RNF114: variants seen among roughly 807,000 people sequenced by gnomAD.
The protein encoded by RNF114 is ring finger protein 114, also known as E3 ubiquitin-protein ligase RNF114.
Under a neutral mutation model 28.4 loss-of-function variants are expected in RNF114, and 6 were observed. That is an observed-to-expected ratio of 0.21 (90% CI 0.12 to 0.42). The LOEUF (loss-of-function observed/expected upper bound fraction) is 0.42, where lower values mean the gene tolerates loss of function less well. RNF114 is among the 10% of genes least tolerant of loss of function. RNF114 has a pLI of 1.00. For synonymous variants in RNF114, 115 were observed against 116.7 expected (o/e 0.99, Z 0.09); for missense variants, 249 against 311.7 (o/e 0.80, Z 1.51).
chr20:49,947,231 C>G (rs1233116416), intron 4 of RNF114, among the ~76,000 whole-genome samples: 4 of 13,388 alleles, frequency 3.0e-4, no homozygotes, highest in South Asian at 2.9e-3. Flanking sequence ...CCCCCCCCCC[C>G]CCCCCAAAAA....
In RNF114 at chr20:49,946,121, T is replaced by C. The variant is rs762602365; in HGVS notation, c.399-15T>C. ...CACAGAAAAGTTTTCTTTTTTCCTG[T>C]GTTTCACCTTCCAGGAATGTTCCAA... On this transcript the variant is annotated splice_polypyrimidine_tract_variant and intron_variant, in intron 3 of 5. Coordinates refer to ENST00000244061, the MANE Select transcript of RNF114 (RefSeq NM_018683.4). 1 of 1,486,736 alleles carries C rather than the reference T, an allele frequency of 6.7e-7. No homozygotes were observed. Among genetic ancestry groups the C allele is most frequent in the South Asian group, 1.2e-5 (1 of 83,158 alleles). The allele number at this position is 1,486,736 out of a possible 1,614,324, so 92.1% of individuals were successfully genotyped here. A position where few individuals can be genotyped will look rare whatever the true frequency, so the allele number is the denominator to read the frequency against.
chr20:49,947,472 AGGGC>A (rs1423053603), intron 4 of RNF114, among the ~76,000 whole-genome samples: 3 of 152,072 alleles, frequency 2.0e-5, no homozygotes, highest in Non-Finnish European at 4.4e-5. Flanking sequence ...TGAGAGTACT[AGGGC>A]AGCTATCAAT....
intron 3 of RNF114, among the ~76,000 whole-genome samples, chr20:49,945,929 G>C (rs1214884681): frequency 3.9e-5 from 6 of 152,200 alleles, no homozygotes; most frequent in African/African-American, 1.4e-4. Flanking sequence ...GCCTCCCAAA[G>C]TGCTGCGATT....
rs1456829057 is a variant in RNF114, at chr20:49,939,458, C to A, written c.141-2103C>A. ...ATTATATATCTTTAGTTCTTTCTGGCAGATTTGGTTATACTGTCTTAATCT... is the reference window on the plus strand; with the variant it reads ...ATTATATATCTTTAGTTCTTTCTGGAAGATTTGGTTATACTGTCTTAATCT... On this transcript the variant is annotated intron_variant, in intron 1 of 5. Coordinates refer to ENST00000244061, the MANE Select transcript of RNF114 (RefSeq NM_018683.4). Among the ~76,000 whole-genome samples the A allele has an allele frequency of 2.1e-5, 3 of 144,286 alleles. No homozygotes were observed. In the Admixed American group the frequency reaches 2.2e-4, roughly 11 times the overall value. The allele number at this position is 144,286 out of a possible 152,430, so 94.7% of individuals were successfully genotyped here. A position where few individuals can be genotyped will look rare whatever the true frequency, so the allele number is the denominator to read the frequency against.
At chr20:49,945,297 T>G in intron 2 of RNF114, 85 bp from the exon 3 acceptor site, 4 of 775,472 alleles carry the variant, frequency 5.2e-6, no homozygotes, top group South Asian at 3.2e-5. Flanking sequence ...GTAGGTCTAG[T>G]TTTCTTTGTG....
At chr20:49,951,670 G>A (rs1197479387) in intron 5 of RNF114, among the ~76,000 whole-genome samples, 1 of 152,214 alleles carries the variant, frequency 6.6e-6, no homozygotes, top group Non-Finnish European at 1.5e-5. Context: ...ACGAGGTCAA[G>A]AGATTGAGAC....
At chr20:49,944,855 T>C (rs2090323150) in intron 2 of RNF114, 1 of 150,008 alleles carries the variant, frequency 6.7e-6, no homozygotes, top group Admixed American at 6.7e-5. Flanking sequence ...CACTTCAGTC[T>C]GGGCGACAGA....
chr20:49,937,166 T>C (rs6125825), intron 1 of RNF114, among the ~76,000 whole-genome samples: 64,056 of 152,032 alleles, frequency 0.42, 15,581 homozygotes, highest in East Asian at 0.79. Context: ...GACCTGAATA[T>C]TGTGAATAGA....
chr20:49,952,070 C>G lies in RNF114; in HGVS notation c.622-6C>G. ...GCTGAGGCTGCATGTCTCTTTTTGC[C>G]CTTAGGATTATGATGTTGATGAAGA... On this transcript the variant is annotated splice_region_variant and splice_polypyrimidine_tract_variant and intron_variant, in intron 5 of 5. Transcript: ENST00000244061. 1 of 1,611,900 alleles carries G rather than the reference C, an allele frequency of 6.2e-7. No homozygotes were observed. Among genetic ancestry groups the G allele is most frequent in the Non-Finnish European group, 8.5e-7 (1 of 1,178,312 alleles).
intron 1 of RNF114, among the ~76,000 whole-genome samples, chr20:49,937,219 TC>T (rs1215601534): frequency 2.6e-5 from 4 of 152,220 alleles, no homozygotes; most frequent in African/African-American, 9.6e-5. Context: ...AAATGTCCAG[TC>T]CAGGTCCTGG....
At chr20:49,949,841 C>T (rs1302173094) in intron 5 of RNF114, among the ~76,000 whole-genome samples, 2 of 152,102 alleles carry the variant, frequency 1.3e-5, no homozygotes, top group Admixed American at 6.5e-5. Flanking sequence ...GACAGGCTTT[C>T]ACTATGTTGG....
chr20:49,936,818 C>T (rs1457929583), intron 1 of RNF114, among the ~76,000 whole-genome samples: 1 of 151,946 alleles, frequency 6.6e-6, no homozygotes, highest in African/African-American at 2.4e-5. Context: ...GGCGGCCTGT[C>T]AGTCTCCTTC....
In RNF114 at chr20:49,936,410, A is replaced by G. The variant is rs1282295695; in HGVS notation, c.-3A>G. ...CCGTTGCGCGGCGCAGAGCGGCAGC[A>G]AGATGGCGGCGCAACAGCGGGACTG... On this transcript the variant is annotated 5_prime_UTR_variant, in exon 1 of 6. Coordinates refer to ENST00000244061, the MANE Select transcript of RNF114 (RefSeq NM_018683.4). 1.3e-6 allele frequency: 2 copies of G among 1,504,640 alleles called. No individual in the cohort carries two copies. The highest frequency in any genetic ancestry group is 4.5e-5 in the Admixed American group (2 of 44,278). The allele number at this position is 1,504,640 out of a possible 1,614,324, so 93.2% of individuals were successfully genotyped here.
intron 5 of RNF114, among the ~76,000 whole-genome samples, chr20:49,951,162 T>A (rs1434072654): frequency 6.6e-6 from 1 of 152,118 alleles, no homozygotes; most frequent in Non-Finnish European, 1.5e-5. Context: ...TGGCTGAATT[T>A]CAGTATCTAA....
Position 49,953,668 on chromosome 20 carries a change from C to T in RNF114, c.*1527C>T, listed in dbSNP as rs2090365205. 3 of 152,098 alleles carry T rather than the reference C, an allele frequency of 2.0e-5. No individual in the cohort carries two copies. Among genetic ancestry groups the T allele is most frequent in the African/African-American group, 7.2e-5 (3 of 41,414 alleles). The allele number at this position is 152,098 out of a possible 1,614,324, so 9.4% of individuals were successfully genotyped here. A position where few individuals can be genotyped will look rare whatever the true frequency, so the allele number is the denominator to read the frequency against. On this transcript the variant is annotated 3_prime_UTR_variant, in exon 6 of 6. Transcript: ENST00000244061. ...AAGTTCACTCAGACCTTCCTGAATT[C>T]AGATCATCTCAGAAGTCTGGAGGGA...
At chr20:49,939,640 T>G (rs1259400788) in intron 1 of RNF114, among the ~76,000 whole-genome samples, 1 of 152,096 alleles carries the variant, frequency 6.6e-6, no homozygotes, top group Non-Finnish European at 1.5e-5. Flanking sequence ...GATTCTACCT[T>G]TCTGTGAATG....
chr20:49,945,473 C>G lies in RNF114; in HGVS notation c.383C>G (p.Ala128Gly). The change falls in exon 3 of 6, where the codon GCA becomes GGA. Residue 128 changes from alanine (A) to glycine (G), a missense_variant. Ala to Gly is a moderately conservative substitution (Grantham distance 60). Transcript: ENST00000244061. The stretch of plus-strand genomic sequence containing the variant: ...GGTGTGAAGGCCACCATTAAGGATG[C>G]ATCTCTTCAGCCAAGGTAAATGACT... ...MEGVKATIKD[A>G]SLQPRNVPNR... is the part of the protein sequence containing the mutation. 6.2e-7 allele frequency: 1 copy of G among 1,604,174 alleles called. No individual in the cohort carries two copies. The highest frequency in any genetic ancestry group is 8.5e-7 in the Non-Finnish European group (1 of 1,171,056).
intron 2 of RNF114, chr20:49,944,619 G>A (rs4810992): frequency 0.2 from 30,338 of 152,114 alleles, 3,847 homozygotes; most frequent in Middle Eastern, 0.29. Flanking sequence ...GGTAGCTCAC[G>A]CCTGTAAACC....
intron 1 of RNF114, among the ~76,000 whole-genome samples, chr20:49,937,273 G>C: frequency 6.6e-6 from 1 of 152,204 alleles, no homozygotes; most frequent in East Asian, 1.9e-4. Flanking sequence ...TGGTCGATTT[G>C]AATCTAAGCC....
Sources: gnomAD v4.1 joint callset for allele counts (sites outside exome capture counted in the v4.1 genomes callset) on GRCh38, gnomAD v4.1.1 for gene constraint, MANE v1.5 for transcripts, NCBI Gene and HGNC (gene_info 2026-07-23, HGNC 2026-07-21) for gene names.